TENM4: variants seen among roughly 807,000 people sequenced by gnomAD.
TENM4 encodes teneurin-4.
A neutral mutation model predicts 243.3 loss-of-function variants in TENM4; 82 were observed. That is an observed-to-expected ratio of 0.34 (90% CI 0.28 to 0.40). The LOEUF (loss-of-function observed/expected upper bound fraction) is 0.40, where lower values mean the gene tolerates loss of function less well. Ranked by LOEUF, TENM4 falls within the 10% of genes least tolerant of loss-of-function variation. The pLI, the probability that TENM4 is intolerant of heterozygous loss-of-function variation, is 1.00. For synonymous variants in TENM4, 1,412 were observed against 1,456.3 expected (o/e 0.97, Z 0.69); for missense variants, 3,138 against 3,673.3 (o/e 0.85, Z 3.77).
intron 9 of TENM4, among the ~76,000 whole-genome samples, chr11:78,867,470 A>G (rs1018701284): frequency 2.6e-5 from 4 of 152,192 alleles, no homozygotes; most frequent in African/African-American, 9.7e-5. Flanking sequence ...CAGGTGGTTA[A>G]TTCTATAGTT....
chr11:78,956,762 AACCTG>A (rs1857214494), intron 6 of TENM4, among the ~76,000 whole-genome samples: 1 of 152,212 alleles, frequency 6.6e-6, no homozygotes, highest in Admixed American at 6.5e-5. Flanking sequence ...TTAGAGGCAA[AACCTG>A]ACCTGAACTG....
chr11:78,838,663 A>G (rs765804743), intron 12 of TENM4, among the ~76,000 whole-genome samples: 1 of 152,168 alleles, frequency 6.6e-6, no homozygotes, highest in Non-Finnish European at 1.5e-5. Flanking sequence ...CAGGCCAGGT[A>G]CATGTAAGAA....
intron 6 of TENM4, among the ~76,000 whole-genome samples, chr11:78,913,583 ATGTG>A (rs55835050): frequency 0.021 from 3,038 of 141,870 alleles, 29 homozygotes; most frequent in Middle Eastern, 0.045. Flanking sequence ...GGTAAGAGGT[ATGTG>A]TGTGTGTGTG....
intron 26 of TENM4, among the ~76,000 whole-genome samples, chr11:78,710,553 G>A (rs911943914): frequency 1.3e-5 from 2 of 152,214 alleles, no homozygotes; most frequent in African/African-American, 2.4e-5. Flanking sequence ...CAAGACAGGC[G>A]TTTTCTTGTC....
At chr11:79,293,264 G>A (rs952646407) in intron 2 of TENM4, among the ~76,000 whole-genome samples, 3 of 151,854 alleles carry the variant, frequency 2.0e-5, no homozygotes, top group Non-Finnish European at 4.4e-5. Flanking sequence ...TATTCATCTT[G>A]TAAATAGGTA....
chr11:79,265,121 G>A (rs1049092551), intron 2 of TENM4, among the ~76,000 whole-genome samples: 10 of 152,160 alleles, frequency 6.6e-5, no homozygotes, highest in Admixed American at 3.3e-4. Flanking sequence ...TTGAGACCCC[G>A]GACAAACTGA....
intron 2 of TENM4, among the ~76,000 whole-genome samples, chr11:79,296,162 T>C (rs17138009): frequency 0.024 from 3,582 of 152,246 alleles, 95 homozygotes; most frequent in African/African-American, 0.07. Context: ...TTGTGATCCA[T>C]ATAAACAAAG....
intron 2 of TENM4, among the ~76,000 whole-genome samples, chr11:79,228,036 T>G (rs1448448662): frequency 6.6e-6 from 1 of 152,152 alleles, no homozygotes; most frequent in African/African-American, 2.4e-5. Flanking sequence ...GACATTTTAG[T>G]GACTGCTGAG....
intron 3 of TENM4, among the ~76,000 whole-genome samples, chr11:79,155,490 C>G (rs544758551): frequency 6.6e-6 from 1 of 151,988 alleles, no homozygotes; most frequent in African/African-American, 2.4e-5. Context: ...CCCAGAGCAA[C>G]GTCAACCTAT....
At chr11:79,338,388 G>T (rs985874807) in intron 1 of TENM4, among the ~76,000 whole-genome samples, 2 of 152,190 alleles carry the variant, frequency 1.3e-5, no homozygotes, top group Non-Finnish European at 2.9e-5. Flanking sequence ...TTCAGCACTG[G>T]GAAGTAAGCA....
At chr11:79,279,002 G>C (rs1297893229) in intron 2 of TENM4, among the ~76,000 whole-genome samples, 1 of 152,168 alleles carries the variant, frequency 6.6e-6, no homozygotes, top group Non-Finnish European at 1.5e-5. Context: ...GCACCTCTGA[G>C]CCCAGACACA....
chr11:78,886,847 C>T (rs1473446982), intron 9 of TENM4, among the ~76,000 whole-genome samples: 2 of 152,244 alleles, frequency 1.3e-5, no homozygotes, highest in Non-Finnish European at 2.9e-5. Context: ...CAAGGACACA[C>T]TATCAGTGAA....
chr11:78,936,979 T>C (rs983455489), intron 6 of TENM4, among the ~76,000 whole-genome samples: 2 of 152,162 alleles, frequency 1.3e-5, no homozygotes, highest in Non-Finnish European at 1.5e-5. Flanking sequence ...GATTGAAAAG[T>C]GACACTTAAA....
chr11:78,964,763 G>A (rs976439024), intron 6 of TENM4, among the ~76,000 whole-genome samples: 1 of 152,192 alleles, frequency 6.6e-6, no homozygotes, highest in Non-Finnish European at 1.5e-5. Context: ...TTGGGGTACA[G>A]TGCACTTGTG....
chr11:78,959,745 A>G lies in TENM4; in HGVS notation c.494-56222T>C, dbSNP rs115820367. On this transcript the variant is annotated intron_variant, in intron 6 of 33. Transcript: ENST00000278550. ...AGCAATGAGCAGACAGCTGCAGGCT[A>G]AAGTCCCCCATCTCCTTCCCTGCAC... Among the ~76,000 whole-genome samples the G allele has an allele frequency of 4.3e-3, 658 of 152,302 alleles. 6 individuals carry two copies. Among genetic ancestry groups the G allele is most frequent in the African/African-American group, 0.015 (626 of 41,550 alleles).
intron 13 of TENM4, 56 bp from the exon 14 acceptor site, chr11:78,812,372 C>T: frequency 6.6e-7 from 1 of 1,524,468 alleles, no homozygotes; most frequent in Non-Finnish European, 8.9e-7. Context: ...ACCCCAACTG[C>T]CTTTGTCTCT....
At chr11:79,255,469 T>C (rs957606384) in intron 2 of TENM4, among the ~76,000 whole-genome samples, 2 of 152,230 alleles carry the variant, frequency 1.3e-5, no homozygotes, top group African/African-American at 4.8e-5. Context: ...GAACTCCTCT[T>C]GGAAAGCCTG....
intron 24 of TENM4, among the ~76,000 whole-genome samples, chr11:78,721,082 T>C (rs1177837496): frequency 6.6e-6 from 1 of 152,068 alleles, no homozygotes; most frequent in Non-Finnish European, 1.5e-5. Context: ...GGAGGTTCAG[T>C]GATTAGTCCA....
chr11:79,143,286 T>C lies in TENM4; in HGVS notation c.-66+5424A>G, dbSNP rs552392101. Among the ~76,000 whole-genome samples, 112 of 152,148 alleles carry C rather than the reference T, an allele frequency of 7.4e-4. 2 individuals are homozygous for C. Among genetic ancestry groups the C allele is most frequent in the Non-Finnish European group, 5.9e-5 (4 of 67,994 alleles). Reference sequence around the variant, plus strand: ...GACTTGGAACCAACCCAAATGCCCATCAATGATAGACTGGATTAAGAAAAT... The same window carrying C: ...GACTTGGAACCAACCCAAATGCCCACCAATGATAGACTGGATTAAGAAAAT... On this transcript the variant is annotated intron_variant, in intron 4 of 33. Transcript: ENST00000278550.
Sources: gnomAD v4.1 joint callset for allele counts (sites outside exome capture counted in the v4.1 genomes callset) on GRCh38, gnomAD v4.1.1 for gene constraint, MANE v1.5 for transcripts, NCBI Gene and HGNC (gene_info 2026-07-23, HGNC 2026-07-21) for gene names.